The following GHR variants were observed in gnomAD, a reference collection of about 807,000 sequenced individuals.
GHR encodes growth hormone receptor.
Under a neutral mutation model 67.1 loss-of-function variants are expected in GHR, and 35 were observed. That is an observed-to-expected ratio of 0.52 (90% confidence interval 0.40 to 0.69). GHR has a LOEUF of 0.69. GHR is among the 30% of genes least tolerant of loss of function. The pLI is 0.00. For synonymous variants in GHR, 272 were observed against 269.1 expected, an observed-to-expected ratio of 1.01 and a Z score of -0.10; for missense variants, 792 against 764.6, an observed-to-expected ratio of 1.04 and a Z score of -0.42.
chr5:42,467,050 T>G, intron 1 of GHR: 1 of 1,568,698 alleles, frequency 6.4e-7, no homozygotes, highest in Non-Finnish European at 8.7e-7. Context: ...ATTACACATG[T>G]AAGGTTTTTC....
At chr5:42,470,927 T>C (rs1434186190) in intron 1 of GHR, among the ~76,000 whole-genome samples, 1 of 152,216 alleles carries the variant, frequency 6.6e-6, no homozygotes, top group Non-Finnish European at 1.5e-5. Context: ...TATTCCTTTA[T>C]AGCTTTTGTG....
At chr5:42,583,723 T>G (rs1454179045) in intron 2 of GHR, among the ~76,000 whole-genome samples, 1 of 152,134 alleles carries the variant, frequency 6.6e-6, no homozygotes, top group Non-Finnish European at 1.5e-5. Flanking sequence ...AACATTACCC[T>G]TGGGATATTT....
intron 2 of GHR, among the ~76,000 whole-genome samples, chr5:42,612,874 G>A (rs1298935292): frequency 6.6e-6 from 1 of 151,988 alleles, no homozygotes; most frequent in Non-Finnish European, 1.5e-5. Context: ...AATGGCCCCT[G>A]GTTAGAAACT....
chr5:42,436,671 T>C (rs964418221), intron 1 of GHR, among the ~76,000 whole-genome samples: 2 of 152,258 alleles, frequency 1.3e-5, no homozygotes, highest in Non-Finnish European at 2.9e-5. Context: ...ATTTTATGAT[T>C]GTATAATGTG....
intron 1 of GHR, among the ~76,000 whole-genome samples, chr5:42,442,900 C>G (rs955822536): frequency 2.6e-5 from 4 of 152,152 alleles, no homozygotes; most frequent in Non-Finnish European, 5.9e-5. Flanking sequence ...ACTCATTCTC[C>G]CTGACATTAG....
At chr5:42,523,503 G>T (rs765082522) in intron 1 of GHR, among the ~76,000 whole-genome samples, 1 of 151,966 alleles carries the variant, frequency 6.6e-6, no homozygotes, top group Non-Finnish European at 1.5e-5. Context: ...GATGAGTGAC[G>T]TTTGATGCTA....
chr5:42,709,434 T>A (rs1758345057), intron 6 of GHR, among the ~76,000 whole-genome samples: 1 of 152,192 alleles, frequency 6.6e-6, no homozygotes. Context: ...TGAGCCACTG[T>A]GCCTGGCTGC....
At chr5:42,611,614 C>T (rs1404440512) in intron 2 of GHR, among the ~76,000 whole-genome samples, 2 of 152,134 alleles carry the variant, frequency 1.3e-5, no homozygotes, top group African/African-American at 4.8e-5. Flanking sequence ...GACAAATACA[C>T]AGGTCAATGG....
intron 3 of GHR, among the ~76,000 whole-genome samples, chr5:42,659,856 A>G (rs1416128355): frequency 6.6e-6 from 1 of 152,246 alleles, no homozygotes; most frequent in Admixed American, 6.5e-5. Flanking sequence ...TTTCCGAGTC[A>G]AAGAAAGGGG....
chr5:42,541,620 A>C (rs185579870), intron 1 of GHR, among the ~76,000 whole-genome samples: 2 of 152,198 alleles, frequency 1.3e-5, no homozygotes, highest in Non-Finnish European at 2.9e-5. Flanking sequence ...GGTGTTGGGA[A>C]TAAGGAGATT....
intron 1 of GHR, among the ~76,000 whole-genome samples, chr5:42,495,793 T>C (rs928220089): frequency 2.3e-4 from 35 of 152,186 alleles, no homozygotes; most frequent in Admixed American, 2.2e-3. Flanking sequence ...TGCATTTAGC[T>C]CTACAAGTCT....
chr5:42,557,911 C>T (rs370757679), intron 1 of GHR, among the ~76,000 whole-genome samples: 46 of 152,142 alleles, frequency 3.0e-4, no homozygotes, highest in African/African-American at 1.1e-3. Context: ...TCACATGAAG[C>T]CTAGATAGCA....
chr5:42,659,910 C>T (rs1755481547), intron 3 of GHR, among the ~76,000 whole-genome samples: 1 of 152,182 alleles, frequency 6.6e-6, no homozygotes, highest in South Asian at 2.1e-4. Flanking sequence ...CACCCTAATA[C>T]TGCGCTTTTC....
At chr5:42,479,863 T>C (rs1204358070) in intron 1 of GHR, among the ~76,000 whole-genome samples, 2 of 152,132 alleles carry the variant, frequency 1.3e-5, no homozygotes, top group Non-Finnish European at 2.9e-5. Context: ...TTTTTTTGAA[T>C]GGTTTTTTGT....
At chr5:42,562,644 CTT>C (rs1212633265) in intron 1 of GHR, among the ~76,000 whole-genome samples, 164 of 77,728 alleles carry the variant, frequency 2.1e-3, no homozygotes, top group African/African-American at 8.9e-3. Context: ...GTTATAGTTC[CTT>C]TTTTTTTTTT....
intron 1 of GHR, among the ~76,000 whole-genome samples, chr5:42,561,149 C>T (rs1317077387): frequency 6.6e-6 from 1 of 152,222 alleles, no homozygotes; most frequent in Admixed American, 6.5e-5. Flanking sequence ...CATACAAGTT[C>T]ACCACAGTTT....
chr5:42,692,231 T>G (rs185439394), intron 4 of GHR, among the ~76,000 whole-genome samples: 136 of 152,212 alleles, frequency 8.9e-4, no homozygotes, highest in Admixed American at 8.6e-3. Context: ...AAATGATGTT[T>G]TATTTTTATT....
At chr5:42,588,749 A>G (rs1447722539) in intron 2 of GHR, among the ~76,000 whole-genome samples, 1 of 152,054 alleles carries the variant, frequency 6.6e-6, no homozygotes, top group African/African-American at 2.4e-5. Context: ...ATCCATATGA[A>G]TGTCTTTTTT....
intron 2 of GHR, among the ~76,000 whole-genome samples, chr5:42,600,406 CT>C (rs1319788971): frequency 6.6e-6 from 1 of 152,170 alleles, no homozygotes; most frequent in African/African-American, 2.4e-5. Context: ...CTGGAATGCC[CT>C]TTTATATTTG....
Sources: gnomAD v4.1 joint callset for allele counts (sites outside exome capture counted in the v4.1 genomes callset) on GRCh38, gnomAD v4.1.1 for gene constraint, MANE v1.5 for transcripts, NCBI Gene and HGNC (gene_info 2026-07-23, HGNC 2026-07-21) for gene names.